TRRAP: variants seen among roughly 807,000 people sequenced by gnomAD.
TRRAP encodes the protein transformation/transcription domain-associated protein.
TRRAP carries 41 observed loss-of-function variants against 438.8 expected under a neutral mutation model. That is an observed-to-expected ratio of 0.09 (90% CI 0.07 to 0.12). The LOEUF is 0.12. Among genes scored for constraint, TRRAP ranks in the 10% least tolerant of loss-of-function variants. TRRAP has a pLI of 1.00. For synonymous variants in TRRAP, 1,994 were observed against 1,962.9 expected (o/e 1.02, Z -0.42); for missense variants, 3,122 against 5,055.1 (o/e 0.62, Z 11.60).
At chr7:98,919,531 G>A (rs1562941215) in intron 20 of TRRAP, among the ~76,000 whole-genome samples, 1 of 152,184 alleles carries the variant, frequency 6.6e-6, no homozygotes, top group Admixed American at 6.5e-5. Context: ...GAACTCAAGA[G>A]GTTGAGGCTA....
In TRRAP at chr7:98,976,288, C is replaced by G. The variant is rs1448233020; in HGVS notation, c.7959+20C>G. ...CAGCATGTGAGTGTATCTTTAAAATCCTGTTTTGGAAAATTGTAGTTTTAG... is the reference window on the plus strand; with the variant it reads ...CAGCATGTGAGTGTATCTTTAAAATGCTGTTTTGGAAAATTGTAGTTTTAG... On this transcript the variant is annotated intron_variant, in intron 54 of 72. Transcript: ENST00000456197. The surrounding 1 kb of genome is among the most constrained non-coding windows in gnomAD (Gnocchi z 4.6). The G allele has an allele frequency of 6.2e-7, 1 of 1,612,428 alleles. No homozygotes were observed. The highest frequency in any genetic ancestry group is 1.1e-5 in the South Asian group (1 of 90,860).
chr7:98,939,172 T>G (rs1168638069), intron 30 of TRRAP, among the ~76,000 whole-genome samples: 1 of 152,244 alleles, frequency 6.6e-6, no homozygotes, highest in African/African-American at 2.4e-5. Context: ...GTTTCCCAAG[T>G]AGCCTTTGAC....
Position 98,914,647 on chromosome 7 carries a change from G to A in TRRAP, c.2200-1076G>A, listed in dbSNP as rs542633325. ...GGAGAATTGCTTGAACCTGGGAGGC[G>A]GAGGTCACAGTGAGCCAAGATTGTG... is the stretch of plus-strand genomic sequence containing the variant. On this transcript the variant is annotated intron_variant, in intron 18 of 72. Coordinates refer to ENST00000456197, the MANE Select transcript of TRRAP (RefSeq NM_001375524.1). Among the ~76,000 whole-genome samples the A allele has an allele frequency of 1.8e-3, 266 of 144,770 alleles. 1 individual carries two copies. The highest frequency in any genetic ancestry group is 3.0e-3 in the Non-Finnish European group (204 of 66,894). The allele number at this position is 144,770 out of a possible 152,430, so 95.0% of individuals were successfully genotyped here. A position where few individuals can be genotyped will look rare whatever the true frequency, so the allele number is the denominator to read the frequency against.
At chr7:98,914,259 A>T (rs188844917) in intron 18 of TRRAP, among the ~76,000 whole-genome samples, 4 of 152,020 alleles carry the variant, frequency 2.6e-5, no homozygotes, top group East Asian at 3.9e-4. Context: ...AATTAGCTGG[A>T]TGTGGTGGTG....
At chr7:98,999,762 C>G (rs1793833091) in intron 67 of TRRAP, 1 of 617,244 alleles carries the variant, frequency 1.6e-6, no homozygotes, top group African/African-American at 1.9e-5. Context: ...TCTGGGGGCA[C>G]TCATCTGAAT....
At chr7:98,881,344 G>A (rs1034822857) in intron 2 of TRRAP, 94 bp downstream of exon 2, 26 of 1,151,986 alleles carry the variant, frequency 2.3e-5, no homozygotes, top group African/African-American at 7.9e-5. Flanking sequence ...AGGCCGAGGC[G>A]GGTGGATCAC....
intron 69 of TRRAP, among the ~76,000 whole-genome samples, 168 bp from the exon 70 acceptor site, chr7:99,008,209 C>G (rs1396905707): frequency 6.6e-6 from 1 of 152,214 alleles, no homozygotes; most frequent in Admixed American, 6.5e-5. Flanking sequence ...GAGCCTCATG[C>G]CATCTGTTGA....
intron 30 of TRRAP, among the ~76,000 whole-genome samples, chr7:98,941,608 T>C (rs1267310027): frequency 6.6e-6 from 1 of 152,234 alleles, no homozygotes; most frequent in East Asian, 1.9e-4. Context: ...TCTGTTACTC[T>C]CATTTACATC....
intron 11 of TRRAP, among the ~76,000 whole-genome samples, chr7:98,902,477 T>C (rs1796513372): frequency 6.6e-6 from 1 of 152,180 alleles, no homozygotes; most frequent in Non-Finnish European, 1.5e-5. Flanking sequence ...TTCAGAAAAA[T>C]AAAAATTAAA....
chr7:98,957,509 G>A, intron 43 of TRRAP, among the ~76,000 whole-genome samples: 1 of 152,154 alleles, frequency 6.6e-6, no homozygotes, highest in East Asian at 1.9e-4. Context: ...ATTGACTGTG[G>A]CCTCCAGGGC....
intron 63 of TRRAP, among the ~76,000 whole-genome samples, chr7:98,990,040 C>T (rs900514934): frequency 5.3e-5 from 8 of 152,084 alleles, no homozygotes; most frequent in Non-Finnish European, 1.2e-4. Flanking sequence ...CCAGCCTGGC[C>T]GACATGGCAA....
Position 98,921,621 on chromosome 7 carries a change from C to A in TRRAP, c.2623-132C>A. 11 of 1,187,734 alleles carry A rather than the reference C, an allele frequency of 9.3e-6. No homozygotes were observed. In the South Asian group the frequency reaches 1.6e-4, roughly 17 times the overall value. 73.6% of individuals were successfully genotyped at this position (1,187,734 alleles called of 1,614,324 possible). ...GAACTCCTGACGTCAGGTGATCTAC[C>A]CGCCTTAGCCTCCCAAAGTTCTGGG... On this transcript the variant is annotated intron_variant, in intron 20 of 72. Transcript: ENST00000456197.
At chr7:98,978,934 T>C in intron 58 of TRRAP, 30 bp downstream of exon 58, 1 of 1,611,710 alleles carries the variant, frequency 6.2e-7, no homozygotes, top group South Asian at 1.1e-5. Context: ...TCCCTGCCGC[T>C]GCCTGGGTCC....
chr7:99,007,120 C>CTA (rs1283641868), intron 69 of TRRAP, among the ~76,000 whole-genome samples: 1 of 152,196 alleles, frequency 6.6e-6, no homozygotes, highest in African/African-American at 2.4e-5. Flanking sequence ...ATTAATGGGG[C>CTA]TAGACGATCA....
At chr7:98,988,673 G>A (rs762384249) in intron 62 of TRRAP, 92 bp from the exon 63 acceptor site, 70 of 1,417,392 alleles carry the variant, frequency 4.9e-5, no homozygotes, top group South Asian at 4.4e-4. Context: ...CAAATGCCCC[G>A]CAGTGTTCAT....
intron 8 of TRRAP, among the ~76,000 whole-genome samples, 159 bp from the exon 9 acceptor site, chr7:98,899,263 A>C (rs1340982542): frequency 6.6e-6 from 1 of 152,126 alleles, no homozygotes; most frequent in Non-Finnish European, 1.5e-5. Flanking sequence ...CATAGTTTGG[A>C]TCTTTCATCA....
At chr7:98,984,787 T>C (rs1793079900) in intron 61 of TRRAP, among the ~76,000 whole-genome samples, 157 bp from the exon 62 acceptor site, 1 of 152,188 alleles carries the variant, frequency 6.6e-6, no homozygotes, top group Non-Finnish European at 1.5e-5. Context: ...ATTCTGAACG[T>C]CAATCAATAA....
intron 40 of TRRAP, among the ~76,000 whole-genome samples, chr7:98,953,831 A>G (rs1395658704): frequency 1.3e-5 from 2 of 152,112 alleles, no homozygotes; most frequent in African/African-American, 4.8e-5. Flanking sequence ...AGTGAAAGGA[A>G]ATTTGTGGGG....
intron 33 of TRRAP, among the ~76,000 whole-genome samples, chr7:98,946,765 G>A (rs1554417004): frequency 6.6e-6 from 1 of 152,192 alleles, no homozygotes; most frequent in African/African-American, 2.4e-5. Context: ...GTGTAAAATG[G>A]GGATGATGGC....
Sources: allele counts gnomAD v4.1 joint callset (sites outside exome capture counted in the v4.1 genomes callset), GRCh38; gene constraint gnomAD v4.1.1; non-coding constraint Gnocchi (gnomAD v3.1); transcripts MANE v1.5; gene names NCBI Gene and HGNC (gene_info 2026-07-23, HGNC 2026-07-21).